The following VAV3 variants were observed in gnomAD, a reference collection of about 807,000 sequenced individuals.
The protein encoded by VAV3 is vav guanine nucleotide exchange factor 3, also known as guanine nucleotide exchange factor VAV3.
A neutral mutation model predicts 131.2 loss-of-function variants in VAV3; 94 were observed. That is an observed-to-expected ratio of 0.72 (90% CI 0.61 to 0.85). The LOEUF (loss-of-function observed/expected upper bound fraction) is 0.85, where lower values mean the gene tolerates loss of function less well. Ranked by LOEUF, VAV3 falls within the 40% of genes least tolerant of loss-of-function variation. The probability of loss-of-function intolerance (pLI) is 0.00; values close to 1 mark genes in which losing one functional copy is unlikely to be tolerated. For missense variants in VAV3, 939 were observed against 1,002.7 expected (o/e 0.94, Z 0.86); for synonymous variants, 349 against 342.0 (o/e 1.02, Z -0.22).
chr1:107,952,512 G>C (rs747792549), intron 1 of VAV3, among the ~76,000 whole-genome samples: 14 of 111,320 alleles, frequency 1.3e-4, no homozygotes, highest in Non-Finnish European at 2.0e-4. Flanking sequence ...CCTAAAAAAA[G>C]AAAGACAGGA....
intron 20 of VAV3, among the ~76,000 whole-genome samples, chr1:107,630,728 CTTCT>C (rs1398783038): frequency 1.3e-5 from 2 of 152,114 alleles, no homozygotes; most frequent in African/African-American, 4.8e-5. Flanking sequence ...AAGTACATGT[CTTCT>C]TTGAGTATGA....
chr1:107,780,578 C>T (rs1665632593), intron 2 of VAV3, among the ~76,000 whole-genome samples: 2 of 152,056 alleles, frequency 1.3e-5, no homozygotes, highest in East Asian at 1.9e-4. Flanking sequence ...TACAGTGGTG[C>T]GATCTTGGCT....
chr1:107,910,476 C>A (rs1312458657), intron 1 of VAV3, among the ~76,000 whole-genome samples: 2 of 152,058 alleles, frequency 1.3e-5, no homozygotes, highest in South Asian at 2.1e-4. Flanking sequence ...GATTAAAAGC[C>A]CCAATTAGCA....
At chr1:107,768,088 G>T (rs983114721) in intron 7 of VAV3, among the ~76,000 whole-genome samples, 1 of 152,144 alleles carries the variant, frequency 6.6e-6, no homozygotes, top group African/African-American at 2.4e-5. Flanking sequence ...TACAAGACAA[G>T]GTCTGAGGGT....
intron 19 of VAV3, among the ~76,000 whole-genome samples, chr1:107,665,497 T>C (rs1278189792): frequency 1.3e-5 from 2 of 152,166 alleles, no homozygotes; most frequent in African/African-American, 2.4e-5. Context: ...GTGTGAAGGG[T>C]TCTGCACTAA....
intron 11 of VAV3, among the ~76,000 whole-genome samples, chr1:107,755,975 G>A (rs1435030943): frequency 1.3e-5 from 2 of 152,060 alleles, no homozygotes; most frequent in Non-Finnish European, 2.9e-5. Context: ...TTTTGCAATC[G>A]GCTAGTCTTC....
At chr1:107,787,942 C>A (rs1666106305) in intron 2 of VAV3, among the ~76,000 whole-genome samples, 1 of 152,038 alleles carries the variant, frequency 6.6e-6, no homozygotes, top group African/African-American at 2.4e-5. Flanking sequence ...CTCCCCATTC[C>A]CAATGACCCC....
chr1:107,735,027 C>T (rs1662507954), intron 15 of VAV3, among the ~76,000 whole-genome samples: 1 of 152,196 alleles, frequency 6.6e-6, no homozygotes. Flanking sequence ...ACAGTGTGAT[C>T]AAAGTGGAAC....
At chr1:107,737,428 A>T (rs527972190) in intron 15 of VAV3, among the ~76,000 whole-genome samples, 1 of 152,344 alleles carries the variant, frequency 6.6e-6, no homozygotes, top group African/African-American at 2.4e-5. Flanking sequence ...AACCTACAGA[A>T]TGGAAGAAAA....
chr1:107,725,382 T>C (rs1429615217), intron 15 of VAV3, among the ~76,000 whole-genome samples: 1 of 152,090 alleles, frequency 6.6e-6, no homozygotes, highest in Non-Finnish European at 1.5e-5. Context: ...TCCACAGAGA[T>C]GGTGATAACA....
chr1:107,722,962 AG>A (rs746379596), intron 15 of VAV3, among the ~76,000 whole-genome samples: 1 of 150,820 alleles, frequency 6.6e-6, no homozygotes, highest in East Asian at 2.0e-4. Flanking sequence ...TCCTCTGAGA[AG>A]CCTTTCTTAA....
At position 107,842,292 on chromosome 1, in the gene VAV3, G is replaced by A. The variant is rs377107328; in HGVS notation, c.321+32609C>T. Among the ~76,000 whole-genome samples the A allele has an allele frequency of 2.7e-3, 415 of 152,254 alleles. 2 individuals are homozygous for A. The highest frequency in any genetic ancestry group is 9.6e-3 in the African/African-American group (398 of 41,532). On this transcript the variant is annotated intron_variant, in intron 2 of 26. Coordinates refer to ENST00000370056, the MANE Select transcript of VAV3 (RefSeq NM_006113.5). Reference sequence around the variant, plus strand: ...CTGAATGGCAAGGGAAGGGAGTTGCGAGATGAATAGCTAAAAATAAAAAGC... The same window carrying A: ...CTGAATGGCAAGGGAAGGGAGTTGCAAGATGAATAGCTAAAAATAAAAAGC...
At chr1:107,827,909 T>C (rs1668083645) in intron 2 of VAV3, among the ~76,000 whole-genome samples, 1 of 152,210 alleles carries the variant, frequency 6.6e-6, no homozygotes, top group Non-Finnish European at 1.5e-5. Flanking sequence ...CAATTCCTAT[T>C]CTAGACCAAC....
chr1:107,807,657 C>T (rs1667119595), intron 2 of VAV3, among the ~76,000 whole-genome samples: 1 of 152,222 alleles, frequency 6.6e-6, no homozygotes, highest in African/African-American at 2.4e-5. Context: ...GCTTCATACA[C>T]ACTCCTACCT....
chr1:107,903,666 A>G (rs1302129719), intron 1 of VAV3, among the ~76,000 whole-genome samples: 5 of 152,166 alleles, frequency 3.3e-5, no homozygotes, highest in African/African-American at 1.2e-4. Context: ...TTTCACTAAA[A>G]ACTAACAAAA....
intron 1 of VAV3, among the ~76,000 whole-genome samples, chr1:107,918,685 G>C (rs1270203938): frequency 3.5e-4 from 47 of 133,764 alleles, no homozygotes; most frequent in Middle Eastern, 3.8e-3. Flanking sequence ...TATTTTTAAG[G>C]CATATATATA....
chr1:107,691,630 T>C (rs756528526), intron 17 of VAV3, among the ~76,000 whole-genome samples: 14 of 152,214 alleles, frequency 9.2e-5, no homozygotes, highest in Non-Finnish European at 1.6e-4. Context: ...CCTCAACTTA[T>C]ATTTACCCTG....
chr1:107,740,211 C>G (rs1662927400), intron 15 of VAV3, among the ~76,000 whole-genome samples: 1 of 151,586 alleles, frequency 6.6e-6, no homozygotes, highest in Non-Finnish European at 1.5e-5. Context: ...CACTTGAACC[C>G]AGGAGGTGGA....
chr1:107,668,929 T>C (rs1296071376), intron 19 of VAV3: 1 of 988,270 alleles, frequency 1.0e-6, no homozygotes, highest in East Asian at 1.1e-4. Context: ...GCTACTTATC[T>C]CAACGTGTTT....
Sources: allele counts gnomAD v4.1 joint callset (sites outside exome capture counted in the v4.1 genomes callset), GRCh38; gene constraint gnomAD v4.1.1; transcripts MANE v1.5; gene names NCBI Gene and HGNC (gene_info 2026-07-23, HGNC 2026-07-21).